Variants in TAF5L observed in about 807,000 individuals in gnomAD.
TAF5L encodes the protein TATA-box binding protein associated factor 5 like.
TAF5L carries 7 observed loss-of-function variants against 51.3 expected under a neutral mutation model. That is an observed-to-expected ratio of 0.14 (90% CI 0.08 to 0.26). TAF5L has a LOEUF of 0.26. Among genes scored for constraint, TAF5L ranks in the 10% least tolerant of loss-of-function variants. The pLI, the probability that TAF5L is intolerant of heterozygous loss-of-function variation, is 1.00. For synonymous variants in TAF5L, 291 were observed against 308.1 expected (o/e 0.94, Z 0.58); for missense variants, 575 against 758.9 (o/e 0.76, Z 2.85).
At chr1:229,593,941 G>A (rs1346078993) in exon 5 of TAF5L, 1 of 220,568 alleles carries the variant, frequency 4.5e-6, no homozygotes, top group Non-Finnish European at 9.1e-6. Context: ...CTTCTCCTGA[G>A]GGTGCTCTAC....
intron 3 of TAF5L, chr1:229,607,376 G>A: frequency 1.0e-6 from 1 of 985,298 alleles, no homozygotes; most frequent in African/African-American, 1.7e-5. Context: ...TTTACAAACT[G>A]CTTTCAGACT....
chr1:229,595,024 G>A (rs1664066296), exon 5 of TAF5L: 5 of 1,614,144 alleles, frequency 3.1e-6, no homozygotes, highest in East Asian at 4.5e-5. Flanking sequence ...GAGGAACCTC[G>A]TGCTGTACAC....
intron 2 of TAF5L, 124 bp from the exon 3 acceptor site, chr1:229,610,334 G>C: frequency 1.2e-6 from 1 of 841,924 alleles, no homozygotes; most frequent in Non-Finnish European, 1.9e-6. Context: ...ATTTCAGCAG[G>C]TTTCCAAAGC....
Position 229,625,459 on chromosome 1 carries a change from CAA to C in TAF5L, c.-4+424_-4+425del, listed in dbSNP as rs1665413259. Reference sequence around the variant, plus strand: ...GCAAAGTTGAATCCCGACTTCGCCGCAAAGACATTTCCTTTTCCCCTACATGC... The same window carrying C: ...GCAAAGTTGAATCCCGACTTCGCCGCAGACATTTCCTTTTCCCCTACATGC... On this transcript the variant is annotated intron_variant, in intron 1 of 4. Coordinates refer to ENST00000258281, the Ensembl canonical transcript of TAF5L. This position sits in a 1 kb window ranked among gnomAD's most constrained non-coding sequence, Gnocchi z 4.0. Among the ~76,000 whole-genome samples, 1 of 152,210 alleles carries C rather than the reference CAA, an allele frequency of 6.6e-6. No homozygotes were observed. The highest frequency in any genetic ancestry group is 1.5e-5 in the Non-Finnish European group (1 of 68,040).
At chr1:229,605,160 T>C (rs998348841) in intron 3 of TAF5L, among the ~76,000 whole-genome samples, 1 of 151,724 alleles carries the variant, frequency 6.6e-6, no homozygotes, top group African/African-American at 2.4e-5. Context: ...GGTTTCATCA[T>C]GGTGGCCAGG....
chr1:229,593,357 G>A (rs1005264901), exon 5 of TAF5L: 3 of 152,166 alleles, frequency 2.0e-5, no homozygotes, highest in African/African-American at 7.2e-5. Flanking sequence ...CCACACCTCT[G>A]AATGGTCATT....
intron 3 of TAF5L, chr1:229,606,324 T>C (rs1571840729): frequency 1.2e-6 from 1 of 868,764 alleles, no homozygotes; most frequent in South Asian, 5.3e-5. Context: ...ACTTAAAATA[T>C]ATTTTTTTCT....
chr1:229,603,066 G>A, intron 3 of TAF5L, 147 bp from the exon 4 acceptor site: 1 of 1,384,666 alleles, frequency 7.2e-7, no homozygotes, highest in East Asian at 2.6e-5. Flanking sequence ...GCCCAACACA[G>A]GATTCTGGAA....
At chr1:229,604,227 A>G (rs1006092413) in intron 3 of TAF5L, among the ~76,000 whole-genome samples, 8 of 151,592 alleles carry the variant, frequency 5.3e-5, no homozygotes, top group African/African-American at 1.9e-4. Flanking sequence ...ACTGAGGAAT[A>G]CTGCATCAGA....
At chr1:229,623,699 C>A (rs921996252) in intron 1 of TAF5L, among the ~76,000 whole-genome samples, 2 of 152,184 alleles carry the variant, frequency 1.3e-5, no homozygotes, top group African/African-American at 4.8e-5. Flanking sequence ...ACACTTAAAG[C>A]ATTTAAAATT....
exon 5 of TAF5L, chr1:229,593,569 G>A (rs974979139): frequency 2.6e-4 from 40 of 152,098 alleles, no homozygotes; most frequent in African/African-American, 9.2e-4. Context: ...GTCAGCCAGG[G>A]TGATCAATCT....
intron 1 of TAF5L, among the ~76,000 whole-genome samples, chr1:229,623,035 G>C (rs1025222074): frequency 6.6e-6 from 1 of 152,194 alleles, no homozygotes; most frequent in Admixed American, 6.5e-5. Flanking sequence ...TCAGCACTTT[G>C]GGAGGCTGAG....
intron 3 of TAF5L, among the ~76,000 whole-genome samples, chr1:229,608,539 T>TA (rs1260241447): frequency 2.0e-5 from 3 of 152,214 alleles, no homozygotes; most frequent in African/African-American, 4.8e-5. Flanking sequence ...GGTAAGAACT[T>TA]AGAGATATTT....
At chr1:229,611,814 C>A (rs890671136) in intron 2 of TAF5L, among the ~76,000 whole-genome samples, 5 of 152,198 alleles carry the variant, frequency 3.3e-5, no homozygotes, top group African/African-American at 1.2e-4. Flanking sequence ...CCTGGATACC[C>A]TCCTCCAATT....
At chr1:229,609,990 A>AT in intron 3 of TAF5L, 116 bp downstream of exon 3, 1 of 786,398 alleles carries the variant, frequency 1.3e-6, no homozygotes, top group East Asian at 2.7e-5. Context: ...CTATTTTTTA[A>AT]TTTTTCTTTT....
intron 4 of TAF5L, among the ~76,000 whole-genome samples, chr1:229,595,478 C>CTCTT (rs1664085512): frequency 6.6e-6 from 1 of 152,184 alleles, no homozygotes; most frequent in African/African-American, 2.4e-5. Context: ...TTACGTGAGG[C>CTCTT]TCTTAGATTG....
Position 229,602,727 on chromosome 1 carries a change from T to G in TAF5L, c.440A>C (p.Gln147Pro). ...AAGCTTGAAGTTAGATAGGATGTCC[T>G]GGATGGTTTGAGTGGTCTGTAGCTG... Residue 147 changes from glutamine (Q) to proline (P), a missense_variant, in exon 4 of 5, where the codon CAG (glutamine) becomes CCG (proline). Gln to Pro is a moderately conservative substitution (Grantham distance 76). This residue lies in a region of TAF5L where 380 missense variants were observed against 443.7 expected (regional missense o/e 0.86). Transcript: ENST00000258281. This position sits in a 1 kb window ranked among gnomAD's most constrained non-coding sequence, Gnocchi z 4.6. 6.2e-7 allele frequency: 1 copy of G among 1,614,150 alleles called. No individual in the cohort carries two copies. Among genetic ancestry groups the G allele is most frequent in the Non-Finnish European group, 8.5e-7 (1 of 1,180,032 alleles).
chr1:229,602,416 C>T lies in TAF5L; in HGVS notation c.751G>A (p.Asp251Asn). The T allele has an allele frequency of 6.2e-7, 1 of 1,614,126 alleles. No individual in the cohort carries two copies. Among genetic ancestry groups the T allele is most frequent in the South Asian group, 1.1e-5 (1 of 91,086 alleles). ...ATGGTAGTGAGGGAGGGAGGCCCATCCTTGACTCGCTTAATGCTCTCCTGT... is the reference window on the plus strand; with the variant it reads ...ATGGTAGTGAGGGAGGGAGGCCCATTCTTGACTCGCTTAATGCTCTCCTGT... Residue 251 changes from aspartate to asparagine, a missense_variant, in exon 4 of 5, where the codon GAT becomes AAT. Transcript: ENST00000258281. This position sits in a 1 kb window ranked among gnomAD's most constrained non-coding sequence, Gnocchi z 4.6.
Position 229,602,298 on chromosome 1 carries a change from G to T in TAF5L, c.869C>A (p.Ser290Tyr). 2 of 1,614,148 alleles carry T rather than the reference G, an allele frequency of 1.2e-6. No homozygotes were observed. Among genetic ancestry groups the T allele is most frequent in the Non-Finnish European group, 1.7e-6 (2 of 1,180,030 alleles). Reference sequence around the variant, plus strand: ...TCGTAAACTCCAAAGTTTTATACAGGAGTTGTCAAACCCAGCAGCAAGCAG... The same window carrying T: ...TCGTAAACTCCAAAGTTTTATACAGTAGTTGTCAAACCCAGCAGCAAGCAG... The change falls in exon 4 of 5, where the codon TCC (serine) becomes TAC (tyrosine). Residue 290 changes from serine (S) to tyrosine (Y), a missense_variant. Physicochemically the swap from Ser to Tyr is moderately radical, Grantham distance 144. Around this residue, in one of 3 missense-constraint regions of TAF5L, gnomAD observed 380 missense variants for 443.7 expected, o/e 0.86. Transcript: ENST00000258281. The surrounding 1 kb of genome is among the most constrained non-coding windows in gnomAD (Gnocchi z 4.6).
Sources: gnomAD v4.1 joint callset for allele counts (sites outside exome capture counted in the v4.1 genomes callset) on GRCh38, gnomAD v4.1.1 for gene constraint, gnomAD v4.1.1 regional missense constraint, Gnocchi (gnomAD v3.1) non-coding constraint, MANE v1.5 for transcripts, NCBI Gene and HGNC (gene_info 2026-07-23, HGNC 2026-07-21) for gene names.